The following KIN variants were observed in gnomAD, a reference collection of about 807,000 sequenced individuals.
The protein encoded by KIN is DNA/RNA-binding protein KIN17.
KIN carries 47 observed loss-of-function variants against 63.0 expected under a neutral mutation model. That is an observed-to-expected ratio of 0.75 (90% CI 0.59 to 0.95). The LOEUF (loss-of-function observed/expected upper bound fraction) is 0.95. KIN is among the 40% of genes least tolerant of loss of function. The pLI is 0.00. For missense variants in KIN, 408 were observed against 460.9 expected, an observed-to-expected ratio of 0.89 and a Z score of 1.05; for synonymous variants, 160 against 157.7, an observed-to-expected ratio of 1.01 and a Z score of -0.11.
Position 7,769,970 on chromosome 10 carries a change from G to A in KIN, c.669-625C>T, listed in dbSNP as rs577314770. Among the ~76,000 whole-genome samples, 13 of 152,122 alleles carry A rather than the reference G, an allele frequency of 8.5e-5. No homozygotes were observed. In the South Asian group the frequency reaches 1.5e-3, roughly 17 times the overall value. ...TTTTGAGATGGAGTCTCACTCTGTC[G>A]CCCAGGCTGGAGTGCAGTGGCGCGA... On this transcript the variant is annotated intron_variant, in intron 7 of 12. Coordinates refer to ENST00000379562, the MANE Select transcript of KIN (RefSeq NM_012311.4).
intron 7 of KIN, among the ~76,000 whole-genome samples, chr10:7,770,483 C>T (rs11255353): frequency 1.9e-3 from 297 of 152,356 alleles, no homozygotes; most frequent in African/African-American, 6.0e-3. Context: ...GTTCTTGGAT[C>T]TTGCAGTGTT....
chr10:7,766,081 G>T lies in KIN; in HGVS notation c.821C>A (p.Thr274Asn). The T allele has an allele frequency of 6.2e-7, 1 of 1,611,202 alleles. No individual in the cohort carries two copies. The change falls in exon 9 of 13, where the codon ACT becomes AAT. Residue 274 changes from threonine to asparagine, a missense_variant. Thr to Asn is a moderately conservative substitution (Grantham distance 65, BLOSUM62 0). This residue lies in a region of KIN where 298 missense variants were observed against 296.0 expected (regional missense o/e 1.01). Coordinates refer to ENST00000379562, the MANE Select transcript of KIN (RefSeq NM_012311.4). ...CTGTAGCCAGTAGTCTGTTCGGGCA[G>T]TTCTTTTCTTTTCCTCTTCAATCTG... ...IMEIEEEKKR[T>N]ARTDYWLQPE... is the part of the protein sequence containing the mutation.
intron 1 of KIN, among the ~76,000 whole-genome samples, chr10:7,787,001 A>G (rs904330867): frequency 1.6e-4 from 24 of 152,282 alleles, no homozygotes; most frequent in African/African-American, 5.5e-4. Flanking sequence ...CTCCGGAGAA[A>G]AATATGATCA....
intron 7 of KIN, 108 bp downstream of exon 7, chr10:7,774,723 G>A (rs961478867): frequency 5.6e-6 from 5 of 885,964 alleles, no homozygotes; most frequent in South Asian, 1.6e-5. Context: ...CCAAAAACAG[G>A]TGAAAACTAC....
At chr10:7,775,455 T>C (rs1588481800) in intron 6 of KIN, among the ~76,000 whole-genome samples, 2 of 152,296 alleles carry the variant, frequency 1.3e-5, no homozygotes, top group South Asian at 2.1e-4. Flanking sequence ...GGCTGGAGTG[T>C]TGGCAGCTAC....
intron 1 of KIN, among the ~76,000 whole-genome samples, chr10:7,784,197 G>C (rs1186664391): frequency 2.6e-5 from 4 of 152,174 alleles, no homozygotes. Flanking sequence ...CCCTGGCTCT[G>C]ACCTTCATTC....
intron 7 of KIN, among the ~76,000 whole-genome samples, chr10:7,774,283 T>C (rs1052504756): frequency 2.1e-4 from 32 of 152,128 alleles, no homozygotes; most frequent in African/African-American, 7.7e-4. Context: ...AGGAGAGAGG[T>C]TGATAATCTC....
At chr10:7,757,661 A>G (rs1479379932) in intron 12 of KIN, among the ~76,000 whole-genome samples, 2 of 152,082 alleles carry the variant, frequency 1.3e-5, no homozygotes, top group African/African-American at 2.4e-5. Flanking sequence ...ACATTTTTTT[A>G]CTGCTTCCCT....
intron 7 of KIN, among the ~76,000 whole-genome samples, chr10:7,772,130 G>A (rs749107846): frequency 6.6e-6 from 1 of 152,090 alleles, no homozygotes; most frequent in Non-Finnish European, 1.5e-5. Flanking sequence ...AACGGCAGGA[G>A]ACATACAGGA....
At chr10:7,781,116 A>C (rs1412620370) in intron 2 of KIN, among the ~76,000 whole-genome samples, 1 of 152,236 alleles carries the variant, frequency 6.6e-6, no homozygotes, top group Non-Finnish European at 1.5e-5. Context: ...ACAAAAGTTA[A>C]ACTGAAGAAG....
rs1429921090 is a variant in KIN, at chr10:7,752,124, C to G, written c.*3956G>C. The G allele has an allele frequency of 6.9e-6, 1 of 144,742 alleles. No individual in the cohort carries two copies. Among genetic ancestry groups the G allele is most frequent in the African/African-American group, 2.5e-5 (1 of 39,540 alleles). The allele number at this position is 144,742 out of a possible 1,614,324, so 9.0% of individuals were successfully genotyped here. On this transcript the variant is annotated 3_prime_UTR_variant, in exon 13 of 13. Coordinates refer to ENST00000379562, the MANE Select transcript of KIN (RefSeq NM_012311.4). ...GGTGTTAAAAAAGAATAGCTTAAAA[C>G]AAAATGAGAAGACAGGCCACTGACT...
rs1280485414 is a variant in KIN, at chr10:7,752,168, A to C, written c.*3912T>G. On this transcript the variant is annotated 3_prime_UTR_variant, in exon 13 of 13. Transcript: ENST00000379562. ...ACTGACTGAGAGAAAATACTTGCAA[A>C]AGACACATTCGATAAAGAACACAAC... 3 of 152,226 alleles carry C rather than the reference A, an allele frequency of 2.0e-5. No individual in the cohort carries two copies. The highest frequency in any genetic ancestry group is 4.4e-5 in the Non-Finnish European group (3 of 68,042). The allele number at this position is 152,226 out of a possible 1,614,324, so 9.4% of individuals were successfully genotyped here. A position where few individuals can be genotyped will look rare whatever the true frequency, so the allele number is the denominator to read the frequency against.
chr10:7,756,692 C>T (rs561686325), intron 12 of KIN, among the ~76,000 whole-genome samples: 162 of 152,228 alleles, frequency 1.1e-3, no homozygotes, highest in African/African-American at 3.2e-3. Context: ...TAGAGTGAAA[C>T]GTTAACTTCT....
chr10:7,783,404 G>A (rs1419617275), intron 1 of KIN, among the ~76,000 whole-genome samples: 1 of 152,168 alleles, frequency 6.6e-6, no homozygotes, highest in Non-Finnish European at 1.5e-5. Context: ...GACAGCAAAA[G>A]AGTGTTGTAG....
At position 7,769,518 on chromosome 10, in the gene KIN, G is replaced by A. The variant is rs547515430; in HGVS notation, c.669-173C>T. Among the ~76,000 whole-genome samples the A allele has an allele frequency of 5.3e-5, 8 of 152,290 alleles. No individual in the cohort carries two copies. The South Asian group carries it at 1.7e-3, about 32-fold the overall frequency. On this transcript the variant is annotated intron_variant, in intron 7 of 12. Coordinates refer to ENST00000379562, the MANE Select transcript of KIN (RefSeq NM_012311.4). Reference sequence around the variant, plus strand: ...TTACAGAACCATCAGCACTGTGTGAGCATTTAACCCGTGCTATCTTTAACT... The same window carrying A: ...TTACAGAACCATCAGCACTGTGTGAACATTTAACCCGTGCTATCTTTAACT...
intron 1 of KIN, among the ~76,000 whole-genome samples, chr10:7,785,165 T>C (rs1030633822): frequency 6.7e-6 from 1 of 149,458 alleles, no homozygotes; most frequent in Admixed American, 6.6e-5. Flanking sequence ...AGGAGGAGGA[T>C]TGCTTGAGCT....
At chr10:7,757,908 T>C (rs7082571) in intron 12 of KIN, among the ~76,000 whole-genome samples, 125,809 of 152,048 alleles carry the variant, frequency 0.83, 52,142 homozygotes, top group East Asian at 0.87. Flanking sequence ...TTGATATATG[T>C]ATAAATTTCA....
chr10:7,762,596 T>C (rs746321819), intron 10 of KIN, 40 bp from the exon 11 acceptor site: 2 of 1,116,666 alleles, frequency 1.8e-6, no homozygotes, highest in Admixed American at 2.0e-5. Context: ...AGAAGAAATA[T>C]GTGCACACTC....
intron 8 of KIN, 120 bp from the exon 9 acceptor site, chr10:7,766,223 A>G (rs1451973933): frequency 1.8e-6 from 1 of 569,074 alleles, no homozygotes; most frequent in Non-Finnish European, 3.1e-6. Flanking sequence ...ACAGAAGACC[A>G]ATGACATAAT....
Sources: gnomAD v4.1 joint callset for allele counts (sites outside exome capture counted in the v4.1 genomes callset) on GRCh38, gnomAD v4.1.1 for gene constraint, gnomAD v4.1.1 regional missense constraint, MANE v1.5 for transcripts, NCBI Gene and HGNC (gene_info 2026-07-23, HGNC 2026-07-21) for gene names.